The following HDGFL3 variants were observed in gnomAD, a reference collection of about 807,000 sequenced individuals.
HDGFL3 encodes HDGF like 3.
Under a neutral mutation model 27.6 loss-of-function variants are expected in HDGFL3, and 6 were observed. The observed-to-expected ratio is 0.22, with a 90% CI of 0.12 to 0.43. The LOEUF (loss-of-function observed/expected upper bound fraction) is 0.43, where lower values mean the gene tolerates loss of function less well. Ranked by LOEUF, HDGFL3 falls within the 20% of genes least tolerant of loss-of-function variation. HDGFL3 has a pLI of 1.00. For missense variants in HDGFL3, 207 were observed against 250.1 expected (o/e 0.83, Z 1.16); for synonymous variants, 88 against 88.9 (o/e 0.99, Z 0.05).
chr15:83,168,323 G>A (rs1299114407), intron 1 of HDGFL3, among the ~76,000 whole-genome samples: 2 of 152,076 alleles, frequency 1.3e-5, no homozygotes, highest in South Asian at 4.1e-4. Flanking sequence ...GGAATTGAAC[G>A]AAATTGGACC....
At chr15:83,190,294 CTGTTA>C (rs751290061) in intron 1 of HDGFL3, among the ~76,000 whole-genome samples, 4 of 151,196 alleles carry the variant, frequency 2.6e-5, no homozygotes, top group Middle Eastern at 3.2e-3. Context: ...TACATATCTT[CTGTTA>C]TATGTATTTC....
exon 4 of HDGFL3, chr15:83,114,400 T>TC (rs1429316353): frequency 6.6e-6 from 1 of 152,282 alleles, no homozygotes; most frequent in African/African-American, 2.4e-5. Context: ...TCATCAGCAA[T>TC]CATTGGCAGA....
chr15:83,140,552 G>A (rs2036748808), intron 5 of HDGFL3, among the ~76,000 whole-genome samples: 1 of 148,984 alleles, frequency 6.7e-6, no homozygotes, highest in East Asian at 2.0e-4. Context: ...CGTGATGTGA[G>A]CTCACTGCAA....
At position 83,131,099 on chromosome 15, in the gene HDGFL3, A is replaced by G. The variant is rs1343410804; in HGVS notation, c.*8171T>C. The G allele has an allele frequency of 6.6e-6, 1 of 152,110 alleles. No individual in the cohort carries two copies. The highest frequency in any genetic ancestry group is 2.4e-5 in the African/African-American group (1 of 41,424). The allele number at this position is 152,110 out of a possible 1,614,324, so 9.4% of individuals were successfully genotyped here. ...AGAGAGAGACCCTGTCTCTCCCACC[A>G]CCACAAAAAAACAAAACAAAACAAA... is the stretch of plus-strand genomic sequence containing the variant. On this transcript the variant is annotated 3_prime_UTR_variant, in exon 6 of 6. Transcript: ENST00000299633.
chr15:83,187,887 CAAAAAAAAAAA>C (rs748482520), intron 1 of HDGFL3, among the ~76,000 whole-genome samples: 35 of 75,546 alleles, frequency 4.6e-4, no homozygotes, highest in African/African-American at 1.7e-3. Flanking sequence ...AACTCTGTCT[CAAAAAAAAAAA>C]AAAAAAAAAG....
At position 83,132,517 on chromosome 15, in the gene HDGFL3, G is replaced by C. The variant is rs534743656; in HGVS notation, c.*6753C>G. On this transcript the variant is annotated 3_prime_UTR_variant, in exon 6 of 6. Coordinates refer to ENST00000299633, the MANE Select transcript of HDGFL3 (RefSeq NM_016073.4). ...CTCACAAAGAGATATGGAAACTTAC[G>C]TGTGAATAATTTGGTTGTGAAGAGT... is the stretch of plus-strand genomic sequence containing the variant. The C allele has an allele frequency of 2.0e-5, 3 of 151,838 alleles. No homozygotes were observed. Among genetic ancestry groups the C allele is most frequent in the Non-Finnish European group, 4.4e-5 (3 of 68,026 alleles). The allele number at this position is 151,838 out of a possible 1,614,324, so 9.4% of individuals were successfully genotyped here.
At chr15:83,164,097 A>G (rs1337473917) in intron 1 of HDGFL3, 22 bp from the exon 2 acceptor site, 7 of 1,465,804 alleles carry the variant, frequency 4.8e-6, no homozygotes, top group Non-Finnish European at 6.6e-6. Flanking sequence ...ACATTTAGTT[A>G]CTGAGTGAGT....
At chr15:83,194,678 A>G (rs2037548965) in intron 1 of HDGFL3, among the ~76,000 whole-genome samples, 1 of 152,062 alleles carries the variant, frequency 6.6e-6, no homozygotes, top group African/African-American at 2.4e-5. Context: ...CCTAATTGTC[A>G]AAGTGGTTAG....
chr15:83,148,291 G>A (rs1324992501), intron 5 of HDGFL3, among the ~76,000 whole-genome samples: 1 of 152,120 alleles, frequency 6.6e-6, no homozygotes, highest in Non-Finnish European at 1.5e-5. Flanking sequence ...CTAGGAGACA[G>A]GCATGAGAAT....
chr15:83,115,147 T>C lies in HDGFL3; in HGVS notation c.*562A>G, dbSNP rs569783765. ...CTTTTTTTTTTTTTGAGACAGAGTC[T>C]TGTTCTGTCGCCCAGGCTGGAGTGC... On this transcript the variant is annotated 3_prime_UTR_variant, in exon 4 of 4. Transcript: ENST00000568294. The C allele has an allele frequency of 6.4e-5, 10 of 156,462 alleles. No individual in the cohort carries two copies. In the South Asian group the frequency reaches 1.9e-3, roughly 30 times the overall value. The allele number at this position is 156,462 out of a possible 1,614,324, so 9.7% of individuals were successfully genotyped here.
chr15:83,171,643 A>C (rs532286981), intron 1 of HDGFL3, among the ~76,000 whole-genome samples: 1 of 152,174 alleles, frequency 6.6e-6, no homozygotes, highest in Non-Finnish European at 1.5e-5. Flanking sequence ...GCAGGAACGA[A>C]AAACAAAATA....
intron 3 of HDGFL3, among the ~76,000 whole-genome samples, chr15:83,121,165 G>C (rs990587164): frequency 3.3e-5 from 5 of 151,760 alleles, no homozygotes; most frequent in African/African-American, 1.2e-4. Flanking sequence ...CTGCCTCCCA[G>C]GTTCAACCAT....
intron 1 of HDGFL3, among the ~76,000 whole-genome samples, chr15:83,172,403 T>C (rs1242418239): frequency 6.6e-6 from 1 of 152,102 alleles, no homozygotes; most frequent in Non-Finnish European, 1.5e-5. Flanking sequence ...CAGTTGAAAA[T>C]CCATATATAC....
chr15:83,126,020 G>A (rs1567149018), downstream of HDGFL3, among the ~76,000 whole-genome samples: 1 of 152,126 alleles, frequency 6.6e-6, no homozygotes, highest in East Asian at 1.9e-4. Flanking sequence ...AAAATAGTGG[G>A]CCCCACCTGT....
At chr15:83,164,366 C>CAAAAAAAAAAAA (rs2037138516) in intron 1 of HDGFL3, among the ~76,000 whole-genome samples, 1 of 12,936 alleles carries the variant, frequency 7.7e-5, no homozygotes, top group Non-Finnish European at 1.6e-4. Flanking sequence ...ATTAGAGTAA[C>CAAAAAAAAAAAA]CAAAAAAAAA....
At chr15:83,144,806 C>T in intron 5 of HDGFL3, 1 of 338,226 alleles carries the variant, frequency 3.0e-6, no homozygotes, top group Non-Finnish European at 5.8e-6. Flanking sequence ...CCTGAATGGA[C>T]TGTTGATGAG....
intron 5 of HDGFL3, chr15:83,144,958 CAT>C (rs753074280): frequency 9.4e-5 from 15 of 158,814 alleles, no homozygotes; most frequent in Non-Finnish European, 1.5e-4. Context: ...ACCTTCTATC[CAT>C]ATGAATCGAA....
intron 1 of HDGFL3, among the ~76,000 whole-genome samples, chr15:83,167,923 C>G (rs2037193574): frequency 6.6e-6 from 1 of 152,046 alleles, no homozygotes. Context: ...TCTCAATAAA[C>G]TAAAAAATAA....
rs1366296992 is a variant in HDGFL3 at position 83,207,762 on chromosome 15, C to CCTCCCGGG, written c.-356_-349dup. On this transcript the variant is annotated 5_prime_UTR_variant, in exon 1 of 6. Transcript: ENST00000299633. The surrounding 1 kb of genome is among the most constrained non-coding windows in gnomAD (Gnocchi z 4.8). ...GCCTCATGCCGCCGCTGCCGGTCTC[C>CCTCCCGGG]CTCCCGGGCTCCCGGGCGCGGCGCG... The CCTCCCGGG allele has an allele frequency of 1.3e-5, 2 of 150,228 alleles. No homozygotes were observed. Among genetic ancestry groups the CCTCCCGGG allele is most frequent in the Non-Finnish European group, 3.0e-5 (2 of 67,240 alleles). 9.3% of individuals were successfully genotyped at this position (150,228 alleles called of 1,614,324 possible). A position where few individuals can be genotyped will look rare whatever the true frequency, so the allele number is the denominator to read the frequency against.
Sources: allele counts gnomAD v4.1 joint callset (sites outside exome capture counted in the v4.1 genomes callset), GRCh38; gene constraint gnomAD v4.1.1; non-coding constraint Gnocchi (gnomAD v3.1); transcripts MANE v1.5; gene names NCBI Gene and HGNC (gene_info 2026-07-23, HGNC 2026-07-21).